The following CLYBL variants were observed in gnomAD, a reference collection of about 807,000 sequenced individuals.
CLYBL encodes the protein citramalyl-CoA lyase.
Under a neutral mutation model 38.9 loss-of-function variants are expected in CLYBL, and 31 were observed. The observed-to-expected ratio is 0.80, with a 90% CI of 0.60 to 1.08. The LOEUF is 1.08. CLYBL is among the 50% of genes least tolerant of loss of function. The pLI is 0.00. For missense variants in CLYBL, 434 were observed against 411.6 expected (o/e 1.05, Z -0.47); for synonymous variants, 171 against 158.6 (o/e 1.08, Z -0.59).
At chr13:99,698,607 C>A (rs1037907825) in intron 1 of CLYBL, among the ~76,000 whole-genome samples, 7 of 152,226 alleles carry the variant, frequency 4.6e-5, no homozygotes, top group Non-Finnish European at 7.4e-5. Flanking sequence ...CAAGGAGGGG[C>A]ATGCGGTGAC....
intron 1 of CLYBL, among the ~76,000 whole-genome samples, chr13:99,759,455 C>T (rs565662661): frequency 2.0e-4 from 30 of 152,096 alleles, no homozygotes; most frequent in Non-Finnish European, 2.9e-4. Flanking sequence ...CAGTGGGGTG[C>T]GGGTGAGTTC....
At chr13:99,830,368 G>C (rs1051469446) in intron 2 of CLYBL, among the ~76,000 whole-genome samples, 1 of 152,198 alleles carries the variant, frequency 6.6e-6, no homozygotes, top group Non-Finnish European at 1.5e-5. Context: ...GGGAAGGACA[G>C]GCACTGACGC....
chr13:99,805,014 A>G (rs1007303997), intron 2 of CLYBL, among the ~76,000 whole-genome samples: 8 of 152,070 alleles, frequency 5.3e-5, no homozygotes, highest in Non-Finnish European at 2.9e-5. Context: ...ATCATGCAGT[A>G]TTTGTCCTTT....
At chr13:99,832,972 A>G (rs2139081616) in intron 2 of CLYBL, among the ~76,000 whole-genome samples, 1 of 136,260 alleles carries the variant, frequency 7.3e-6, no homozygotes, top group Non-Finnish European at 1.5e-5. Context: ...ATTGTCATAT[A>G]TCATTTCATT....
At chr13:99,711,746 T>C (rs1008496784) in intron 1 of CLYBL, among the ~76,000 whole-genome samples, 2 of 151,278 alleles carry the variant, frequency 1.3e-5, no homozygotes, top group African/African-American at 4.9e-5. Flanking sequence ...AGACAGAGTC[T>C]TGCTGTGTCA....
rs547524732 is a variant in CLYBL at position 99,680,389 on chromosome 13, T to C, written c.62+73632T>C. Among the ~76,000 whole-genome samples the C allele has an allele frequency of 3.3e-5, 5 of 152,362 alleles. 2 individuals are homozygous for C. In the South Asian group the frequency reaches 1.0e-3, roughly 32 times the overall value. On this transcript the variant is annotated intron_variant, in intron 1 of 8. Coordinates refer to ENST00000339105, the MANE Select transcript of CLYBL (RefSeq NM_206808.5). ...AGGTACATAACTTAGCCTGATGAGATGGCATTCATAAGGTTAGGATAGCAG... is the reference window on the plus strand; with the variant it reads ...AGGTACATAACTTAGCCTGATGAGACGGCATTCATAAGGTTAGGATAGCAG...
intron 1 of CLYBL, among the ~76,000 whole-genome samples, chr13:99,607,490 A>G (rs2046545929): frequency 6.6e-6 from 1 of 152,218 alleles, no homozygotes; most frequent in South Asian, 2.1e-4. Flanking sequence ...AACGGGTCTC[A>G]GGGACCCCCT....
intron 1 of CLYBL, among the ~76,000 whole-genome samples, chr13:99,666,358 C>G (rs1442280980): frequency 1.3e-5 from 2 of 152,044 alleles, no homozygotes; most frequent in African/African-American, 4.8e-5. Context: ...GCAGCCTGAC[C>G]TTCACTGCAT....
At chr13:99,769,864 CAG>C (rs139073249) in intron 1 of CLYBL, among the ~76,000 whole-genome samples, 6,840 of 152,188 alleles carry the variant, frequency 0.045, 262 homozygotes, top group African/African-American at 0.095. Flanking sequence ...CCCCAAAAGA[CAG>C]TGATTTTTCT....
intron 1 of CLYBL, among the ~76,000 whole-genome samples, chr13:99,618,024 T>A (rs2046739662): frequency 6.6e-6 from 1 of 152,206 alleles, no homozygotes; most frequent in Admixed American, 6.5e-5. Flanking sequence ...ACCAGACATA[T>A]CACATGCTTA....
At chr13:99,656,342 CTTT>C (rs2047330474) in intron 1 of CLYBL, among the ~76,000 whole-genome samples, 1 of 152,162 alleles carries the variant, frequency 6.6e-6, no homozygotes, top group Admixed American at 6.5e-5. Context: ...GTCCACGGCA[CTTT>C]CCACTTTGGG....
At chr13:99,737,027 CATAG>C (rs2139588763) in intron 1 of CLYBL, among the ~76,000 whole-genome samples, 1 of 152,144 alleles carries the variant, frequency 6.6e-6, no homozygotes, top group South Asian at 2.1e-4. Context: ...AGACAATATA[CATAG>C]ATAATCATAA....
At chr13:99,829,109 G>T (rs551816206) in intron 2 of CLYBL, among the ~76,000 whole-genome samples, 1 of 152,280 alleles carries the variant, frequency 6.6e-6, no homozygotes, top group African/African-American at 2.4e-5. Flanking sequence ...TCCAAAACTC[G>T]AATCCCCTTT....
At chr13:99,742,210 G>GTC (rs1157532905) in intron 1 of CLYBL, among the ~76,000 whole-genome samples, 2 of 152,164 alleles carry the variant, frequency 1.3e-5, no homozygotes, top group Non-Finnish European at 2.9e-5. Context: ...CTGCTTCTAG[G>GTC]TCGCACCTTG....
intron 1 of CLYBL, among the ~76,000 whole-genome samples, chr13:99,762,121 A>G (rs982634643): frequency 3.3e-5 from 5 of 152,006 alleles, no homozygotes; most frequent in African/African-American, 1.2e-4. Context: ...AGATTGTCTC[A>G]TCATTTTTTT....
intron 1 of CLYBL, among the ~76,000 whole-genome samples, chr13:99,770,464 C>G (rs540395701): frequency 6.6e-6 from 1 of 151,828 alleles, no homozygotes; most frequent in East Asian, 2.0e-4. Flanking sequence ...ACTACAGGCG[C>G]CCGCCACCAC....
At chr13:99,677,281 C>T (rs888781282) in intron 1 of CLYBL, among the ~76,000 whole-genome samples, 5 of 152,026 alleles carry the variant, frequency 3.3e-5, no homozygotes, top group African/African-American at 2.4e-5. Context: ...CTTATAACCT[C>T]TCCAAGATAA....
chr13:99,756,176 A>G (rs576178855), intron 1 of CLYBL, among the ~76,000 whole-genome samples: 1 of 152,202 alleles, frequency 6.6e-6, no homozygotes, highest in Non-Finnish European at 1.5e-5. Flanking sequence ...GTGAAGCAAC[A>G]TGATTTTCAA....
chr13:99,769,069 T>G (rs1211240232), intron 1 of CLYBL, among the ~76,000 whole-genome samples: 3 of 152,174 alleles, frequency 2.0e-5, no homozygotes, highest in African/African-American at 7.2e-5. Flanking sequence ...CTTCTGTGAT[T>G]AGAACCAGCA....
Sources: allele counts gnomAD v4.1 joint callset (sites outside exome capture counted in the v4.1 genomes callset), GRCh38; gene constraint gnomAD v4.1.1; transcripts MANE v1.5; gene names NCBI Gene and HGNC (gene_info 2026-07-23, HGNC 2026-07-21).